The following ATRNL1 variants were observed in gnomAD, a reference collection of about 807,000 sequenced individuals.
ATRNL1 encodes attractin-like protein 1.
Under a neutral mutation model 182.7 loss-of-function variants are expected in ATRNL1, and 95 were observed. The observed-to-expected ratio is 0.52, with a 90% CI of 0.44 to 0.62. ATRNL1 has a LOEUF of 0.62. Among genes scored for constraint, ATRNL1 ranks in the 20% least tolerant of loss-of-function variants. The pLI, the probability that ATRNL1 is intolerant of heterozygous loss-of-function variation, is 0.00. For synonymous variants in ATRNL1, 576 were observed against 568.3 expected, an observed-to-expected ratio of 1.01 and a Z score of -0.19; for missense variants, 1,471 against 1,679.5, an observed-to-expected ratio of 0.88 and a Z score of 2.17.
At chr10:115,465,617 G>A (rs1275057135) in intron 22 of ATRNL1, among the ~76,000 whole-genome samples, 1 of 97,788 alleles carries the variant, frequency 1.0e-5, no homozygotes, top group Non-Finnish European at 2.5e-5. Flanking sequence ...TAGAAAATAA[G>A]AAGGAAGTTA....
intron 27 of ATRNL1, among the ~76,000 whole-genome samples, chr10:115,755,638 G>T (rs1257737396): frequency 1.3e-5 from 2 of 151,982 alleles, no homozygotes; most frequent in Non-Finnish European, 2.9e-5. Context: ...TTCTTTTTTG[G>T]TTGCATTTCT....
At chr10:115,499,470 A>C (rs1849707236) in intron 24 of ATRNL1, among the ~76,000 whole-genome samples, 1 of 152,204 alleles carries the variant, frequency 6.6e-6, no homozygotes, top group Non-Finnish European at 1.5e-5. Context: ...TTATTTGCCA[A>C]GGTTGAGGAC....
At chr10:115,115,280 T>G (rs1437870132) in intron 1 of ATRNL1, among the ~76,000 whole-genome samples, 2 of 152,012 alleles carry the variant, frequency 1.3e-5, no homozygotes, top group Non-Finnish European at 2.9e-5. Context: ...GGTGCAAAGT[T>G]TCAATTAGGA....
intron 26 of ATRNL1, among the ~76,000 whole-genome samples, chr10:115,626,207 A>G (rs927675596): frequency 5.3e-5 from 8 of 152,220 alleles, no homozygotes; most frequent in African/African-American, 7.2e-5. Context: ...AAACAATGGC[A>G]TACATAATCT....
At chr10:115,878,215 C>T (rs1555107693) in intron 28 of ATRNL1, among the ~76,000 whole-genome samples, 1 of 152,214 alleles carries the variant, frequency 6.6e-6, no homozygotes, top group Non-Finnish European at 1.5e-5. Context: ...ATCTTACTGG[C>T]CAGCCTCACC....
intron 26 of ATRNL1, among the ~76,000 whole-genome samples, chr10:115,565,253 C>G (rs920009329): frequency 2.6e-5 from 4 of 151,928 alleles, no homozygotes; most frequent in Non-Finnish European, 1.5e-5. Context: ...TAAGATGCAG[C>G]AAGCTAAATT....
intron 19 of ATRNL1, among the ~76,000 whole-genome samples, chr10:115,363,382 A>T (rs1376116912): frequency 7.5e-6 from 1 of 133,576 alleles, no homozygotes; most frequent in African/African-American, 2.8e-5. Context: ...TTTTTCTTGT[A>T]AATTTGTTTG....
At chr10:115,831,509 C>T (rs1033747828) in intron 27 of ATRNL1, among the ~76,000 whole-genome samples, 6 of 152,034 alleles carry the variant, frequency 3.9e-5, no homozygotes, top group Non-Finnish European at 8.8e-5. Context: ...GAGAAAATCC[C>T]CCCAGTGAAA....
intron 26 of ATRNL1, among the ~76,000 whole-genome samples, chr10:115,555,826 A>G (rs1319012899): frequency 6.6e-6 from 1 of 152,050 alleles, no homozygotes; most frequent in Non-Finnish European, 1.5e-5. Flanking sequence ...AATATAAACA[A>G]ATAGTCAAAT....
At chr10:115,473,476 A>G (rs1040194671) in intron 24 of ATRNL1, among the ~76,000 whole-genome samples, 1 of 151,260 alleles carries the variant, frequency 6.6e-6, no homozygotes, top group Non-Finnish European at 1.5e-5. Context: ...AACTTAGTCC[A>G]TCTATTTAAC....
intron 26 of ATRNL1, among the ~76,000 whole-genome samples, chr10:115,595,498 A>G: frequency 6.6e-6 from 1 of 152,182 alleles, no homozygotes; most frequent in East Asian, 1.9e-4. Flanking sequence ...TTCTGTTAAT[A>G]TGTTAAATTT....
chr10:115,685,725 T>C (rs4751924), intron 26 of ATRNL1, among the ~76,000 whole-genome samples: 54,328 of 151,604 alleles, frequency 0.36, 10,485 homozygotes, highest in East Asian at 0.56. Flanking sequence ...TTGAATATCA[T>C]CTGTATTTTT....
At chr10:115,256,807 A>T (rs2133858432) in intron 10 of ATRNL1, among the ~76,000 whole-genome samples, 1 of 152,224 alleles carries the variant, frequency 6.6e-6, no homozygotes, top group African/African-American at 2.4e-5. Context: ...CACTGCTTTG[A>T]ATGTGTCCCA....
chr10:115,599,413 A>C (rs1856465127), intron 26 of ATRNL1, among the ~76,000 whole-genome samples: 2 of 152,192 alleles, frequency 1.3e-5, no homozygotes, highest in Admixed American at 1.3e-4. Context: ...GAGACAGTTA[A>C]TTAGTTACAG....
At chr10:115,625,121 TTATAACAG>T (rs1339447643) in intron 26 of ATRNL1, among the ~76,000 whole-genome samples, 4 of 152,172 alleles carry the variant, frequency 2.6e-5, no homozygotes, top group Admixed American at 2.6e-4. Context: ...ATATTGGGTT[TTATAACAG>T]TGTCTTATTT....
chr10:115,293,405 G>A (rs1382198346), intron 15 of ATRNL1, among the ~76,000 whole-genome samples: 1 of 151,770 alleles, frequency 6.6e-6, no homozygotes. Flanking sequence ...TTGTTTTCTG[G>A]TTTTCATACA....
intron 27 of ATRNL1, among the ~76,000 whole-genome samples, chr10:115,846,485 A>G (rs1950931449): frequency 6.6e-6 from 1 of 152,092 alleles, no homozygotes; most frequent in South Asian, 2.1e-4. Context: ...TCATCAGTGA[A>G]AAAAACCTGA....
At chr10:115,879,389 A>G (rs890928932) in intron 28 of ATRNL1, among the ~76,000 whole-genome samples, 10 of 152,174 alleles carry the variant, frequency 6.6e-5, no homozygotes, top group African/African-American at 1.9e-4. Context: ...ATGGCAAACA[A>G]GTGACAGAGT....
intron 28 of ATRNL1, among the ~76,000 whole-genome samples, chr10:115,921,222 A>G (rs569222040): frequency 9.2e-5 from 14 of 152,330 alleles, no homozygotes; most frequent in Admixed American, 4.6e-4. Flanking sequence ...GCTAGGGACT[A>G]AAAGGGGTGG....
Sources: allele counts gnomAD v4.1 joint callset (sites outside exome capture counted in the v4.1 genomes callset), GRCh38; gene constraint gnomAD v4.1.1; transcripts MANE v1.5; gene names NCBI Gene and HGNC (gene_info 2026-07-23, HGNC 2026-07-21).